The following CCDC148 variants were observed in gnomAD, a reference collection of about 807,000 sequenced individuals.
CCDC148 encodes the protein coiled-coil domain containing 148.
CCDC148 carries 89 observed loss-of-function variants against 85.7 expected under a neutral mutation model. The observed-to-expected ratio is 1.04, with a 90% CI of 0.87 to 1.24. The LOEUF is 1.24. Ranked by LOEUF, CCDC148 falls within the 50% of genes most tolerant of loss-of-function variation. The pLI, the probability that CCDC148 is intolerant of heterozygous loss-of-function variation, is 0.00. For synonymous variants in CCDC148, 230 were observed against 213.9 expected (o/e 1.08, Z -0.66); for missense variants, 692 against 671.7 (o/e 1.03, Z -0.33).
At chr2:158,276,169 G>A (rs1451278441) in intron 9 of CCDC148, among the ~76,000 whole-genome samples, 6 of 152,088 alleles carry the variant, frequency 3.9e-5, no homozygotes, top group Admixed American at 6.6e-5. Flanking sequence ...AGTGGCTCAC[G>A]CCTGTAATCC....
chr2:158,175,409 G>C (rs193058570), intron 13 of CCDC148, among the ~76,000 whole-genome samples: 64 of 152,074 alleles, frequency 4.2e-4, no homozygotes, highest in African/African-American at 1.5e-3. Context: ...ACTAAGATAG[G>C]GCTCAGAAGT....
rs560236101 is a variant in CCDC148 at position 158,277,731 on chromosome 2, G to A, written c.1111-26819C>T. On this transcript the variant is annotated intron_variant, in intron 9 of 13. Coordinates refer to ENST00000283233, the MANE Select transcript of CCDC148 (RefSeq NM_138803.4). ...CCTGCCTCAGCCTCCCGAGTAGCTG[G>A]GACTACAGGCGCCCGCCATCATGCC... 1.1e-4 allele frequency among the ~76,000 whole-genome samples: 16 copies of A among 152,190 alleles called. No homozygotes were observed. The East Asian group carries it at 3.1e-3, about 29-fold the overall frequency.
intron 1 of CCDC148, among the ~76,000 whole-genome samples, chr2:158,433,546 A>G (rs558287108): frequency 7.9e-5 from 12 of 152,238 alleles, no homozygotes; most frequent in African/African-American, 2.9e-4. Flanking sequence ...TCCAGTCTAC[A>G]GCTCCCAGCA....
At chr2:158,178,740 C>T (rs950292181) in intron 12 of CCDC148, 139 bp downstream of exon 12, 4 of 616,664 alleles carry the variant, frequency 6.5e-6, no homozygotes, top group African/African-American at 3.7e-5. Flanking sequence ...CAGGAATGAA[C>T]AGCAGTATCC....
At chr2:158,205,608 G>A in intron 11 of CCDC148, among the ~76,000 whole-genome samples, 1 of 151,992 alleles carries the variant, frequency 6.6e-6, no homozygotes, top group East Asian at 1.9e-4. Context: ...GAAGTGGTAA[G>A]ATAGGGATTT....
At chr2:158,405,917 A>ATAC (rs1685978915) in intron 1 of CCDC148, among the ~76,000 whole-genome samples, 1 of 151,404 alleles carries the variant, frequency 6.6e-6, no homozygotes. Context: ...TATGTGTATA[A>ATAC]ATACAAATAT....
At position 158,340,618 on chromosome 2, in the gene CCDC148, A is replaced by T. The variant is rs369039007; in HGVS notation, c.314T>A (p.Leu105His). The change falls in exon 4 of 14, where the codon CTT becomes CAT. Residue 105 changes from leucine to histidine, a missense_variant. Coordinates refer to ENST00000283233, the MANE Select transcript of CCDC148 (RefSeq NM_138803.4). Reference protein sequence around the residue: ...LNEENIGNECLCDLTNFEQEL... With the variant: ...LNEENIGNECHCDLTNFEQEL... ...CTTACCAAAATTTGTAAGGTCACAAAGACATTCATTTCCAATGTTCTCTTC... is the reference window on the plus strand; with the variant it reads ...CTTACCAAAATTTGTAAGGTCACAATGACATTCATTTCCAATGTTCTCTTC... 1 of 1,589,564 alleles carries T rather than the reference A, an allele frequency of 6.3e-7. No individual in the cohort carries two copies. Among genetic ancestry groups the T allele is most frequent in the South Asian group, 1.1e-5 (1 of 87,132 alleles).
intron 1 of CCDC148, among the ~76,000 whole-genome samples, chr2:158,381,932 T>A (rs1198394237): frequency 6.6e-6 from 1 of 152,144 alleles, no homozygotes; most frequent in African/African-American, 2.4e-5. Flanking sequence ...CCTGGCTAAA[T>A]TCATATGCTG....
At chr2:158,235,954 C>T (rs1167477675) in intron 10 of CCDC148, 3 of 152,366 alleles carry the variant, frequency 2.0e-5, no homozygotes, top group Admixed American at 6.5e-5. Flanking sequence ...CACACCTCTC[C>T]CTCACCTTGA....
At chr2:158,385,294 T>C (rs1685040869) in intron 1 of CCDC148, among the ~76,000 whole-genome samples, 1 of 152,162 alleles carries the variant, frequency 6.6e-6, no homozygotes. Context: ...TGTAACATAG[T>C]CATGGCAGAG....
In CCDC148 at chr2:158,178,912, CTCTT is replaced by C. The variant is rs1684730850; in HGVS notation, c.1451_1454del (p.Lys484ArgfsTer6). On this transcript the variant is annotated frameshift_variant, in exon 12 of 14. Transcript: ENST00000283233. LOFTEE classifies it high-confidence loss of function. ...TAAGGGCTTCTAGCCGCCGTGCTCT[CTCTT>C]TGTCTTCATGAGCTTCTTGAAGGGC... is the stretch of plus-strand genomic sequence containing the variant. 1 of 1,613,666 alleles carries C rather than the reference CTCTT, an allele frequency of 6.2e-7. No homozygotes were observed. The highest frequency in any genetic ancestry group is 8.5e-7 in the Non-Finnish European group (1 of 1,179,754).
rs530471232 is a variant in CCDC148 at position 158,286,714 on chromosome 2, G to A, written c.1110+22719C>T. Among the ~76,000 whole-genome samples the A allele has an allele frequency of 5.6e-4, 85 of 152,216 alleles. 1 individual carries two copies. Among genetic ancestry groups the A allele is most frequent in the African/African-American group, 1.5e-3 (64 of 41,536 alleles). ...AGAGACACTTGCCTATGGCACAGAC[G>A]GAACTGCAAAACAGTGGAAAGGACA... On this transcript the variant is annotated intron_variant, in intron 9 of 13. Transcript: ENST00000283233.
chr2:158,298,629 C>T (rs904962576), intron 9 of CCDC148, among the ~76,000 whole-genome samples: 2 of 152,106 alleles, frequency 1.3e-5, no homozygotes, highest in South Asian at 4.1e-4. Flanking sequence ...CTGTCTTCTG[C>T]TATGCCCAGT....
Position 158,357,260 on chromosome 2 carries a change from AT to A in CCDC148, c.147+1188del, listed in dbSNP as rs1386268256. 3.5e-3 allele frequency among the ~76,000 whole-genome samples: 525 copies of A among 151,920 alleles called. 3 individuals are homozygous for A. The highest frequency in any genetic ancestry group is 0.012 in the African/African-American group (502 of 41,424). On this transcript the variant is annotated intron_variant, in intron 2 of 13. Coordinates refer to ENST00000283233, the MANE Select transcript of CCDC148 (RefSeq NM_138803.4). ...ATAAAAAAAAAGAAGACAAAAAAAA[AT>A]AACATAGCCTGGGTGGCTTAAAAAA...
At chr2:158,313,641 G>T in intron 8 of CCDC148, 115 bp downstream of exon 8, 1 of 1,058,228 alleles carries the variant, frequency 9.4e-7, no homozygotes, top group Non-Finnish European at 1.3e-6. Flanking sequence ...ATTTTCTAGA[G>T]GGTAGGAAAA....
In CCDC148 at chr2:158,411,562, C is replaced by A. The variant is rs192823406; in HGVS notation, c.25+44853G>T. Among the ~76,000 whole-genome samples, 473 of 152,106 alleles carry A rather than the reference C, an allele frequency of 3.1e-3. 2 individuals carry two copies. The highest frequency in any genetic ancestry group is 5.1e-3 in the Non-Finnish European group (346 of 67,984). On this transcript the variant is annotated intron_variant, in intron 1 of 13. Coordinates refer to ENST00000283233, the MANE Select transcript of CCDC148 (RefSeq NM_138803.4). Reference sequence around the variant, plus strand: ...TTGTTATTTCTATTCCTTTGTTGAACTCATTTTGATTATGTATTGTTTTCC... The same window carrying A: ...TTGTTATTTCTATTCCTTTGTTGAAATCATTTTGATTATGTATTGTTTTCC...
At chr2:158,297,241 G>A (rs1225962100) in intron 9 of CCDC148, among the ~76,000 whole-genome samples, 1 of 152,002 alleles carries the variant, frequency 6.6e-6, no homozygotes, top group Non-Finnish European at 1.5e-5. Flanking sequence ...ATATTGTGTG[G>A]AGATCCCTAA....
At chr2:158,413,686 T>C (rs1361008488) in intron 1 of CCDC148, among the ~76,000 whole-genome samples, 1 of 152,192 alleles carries the variant, frequency 6.6e-6, no homozygotes, top group Admixed American at 6.5e-5. Context: ...TTTTCTACTT[T>C]GCTTGTCATT....
At chr2:158,302,421 T>A (rs1286720201) in intron 9 of CCDC148, among the ~76,000 whole-genome samples, 1 of 151,934 alleles carries the variant, frequency 6.6e-6, no homozygotes, top group African/African-American at 2.4e-5. Flanking sequence ...GCATTCAGCA[T>A]CCAGATGAAG....
Sources: gnomAD v4.1 joint callset for allele counts (sites outside exome capture counted in the v4.1 genomes callset) on GRCh38, gnomAD v4.1.1 for gene constraint, MANE v1.5 for transcripts, NCBI Gene and HGNC (gene_info 2026-07-23, HGNC 2026-07-21) for gene names.